The following LRRTM4 variants were observed in gnomAD, a reference collection of about 807,000 sequenced individuals.
The protein encoded by LRRTM4 is leucine rich repeat transmembrane neuronal 4.
A neutral mutation model predicts 47.6 loss-of-function variants in LRRTM4; 25 were observed. That is an observed-to-expected ratio of 0.53 (90% CI 0.38 to 0.73). The LOEUF (loss-of-function observed/expected upper bound fraction) is 0.73, where lower values mean the gene tolerates loss of function less well. Ranked by LOEUF, LRRTM4 falls within the 30% of genes least tolerant of loss-of-function variation. The probability of loss-of-function intolerance (pLI) is 0.00; values close to 1 mark genes in which losing one functional copy is unlikely to be tolerated. For missense variants in LRRTM4, 638 were observed against 713.4 expected, an observed-to-expected ratio of 0.89 and a Z score of 1.20; for synonymous variants, 311 against 269.5, an observed-to-expected ratio of 1.15 and a Z score of -1.51.
At chr2:76,945,859 A>G (rs1239989710) in intron 3 of LRRTM4, among the ~76,000 whole-genome samples, 2 of 151,990 alleles carry the variant, frequency 1.3e-5, no homozygotes, top group African/African-American at 2.4e-5. Context: ...CTTAAAATTC[A>G]TTCAAGTATG....
At chr2:77,330,904 G>C (rs1299531377) in intron 3 of LRRTM4, among the ~76,000 whole-genome samples, 2 of 152,072 alleles carry the variant, frequency 1.3e-5, no homozygotes, top group South Asian at 4.1e-4. Context: ...TATAGAAAAT[G>C]ATTAACTTGT....
intron 3 of LRRTM4, among the ~76,000 whole-genome samples, chr2:76,849,201 GAGAAA>G (rs1424812297): frequency 2.0e-5 from 3 of 152,222 alleles, no homozygotes; most frequent in Non-Finnish European, 2.9e-5. Flanking sequence ...GTGCAGAGAA[GAGAAA>G]AGAAAAGTAG....
intron 3 of LRRTM4, among the ~76,000 whole-genome samples, chr2:77,194,271 C>T (rs1673755262): frequency 1.3e-5 from 2 of 152,148 alleles, no homozygotes; most frequent in Non-Finnish European, 2.9e-5. Context: ...ACCTCTAGAA[C>T]ACACCTATCT....
chr2:76,997,038 T>C (rs954348102), intron 3 of LRRTM4, among the ~76,000 whole-genome samples: 9 of 152,054 alleles, frequency 5.9e-5, no homozygotes, highest in Non-Finnish European at 1.2e-4. Context: ...TGTTGTCAAG[T>C]GATTTTGAGT....
At chr2:77,271,260 T>C (rs930174424) in intron 3 of LRRTM4, among the ~76,000 whole-genome samples, 4 of 152,190 alleles carry the variant, frequency 2.6e-5, no homozygotes, top group African/African-American at 9.6e-5. Flanking sequence ...TTGTCCTCAC[T>C]GGCAGAGGGC....
At chr2:77,499,874 T>A (rs1678506356) in intron 3 of LRRTM4, among the ~76,000 whole-genome samples, 1 of 151,818 alleles carries the variant, frequency 6.6e-6, no homozygotes, top group South Asian at 2.1e-4. Flanking sequence ...ATGGTCAAAT[T>A]TAAACAGAGC....
intron 3 of LRRTM4, among the ~76,000 whole-genome samples, chr2:77,111,283 A>ATTTTTTTT (rs71381260): frequency 3.5e-5 from 4 of 113,164 alleles, no homozygotes; most frequent in Non-Finnish European, 7.0e-5. Flanking sequence ...ACACCTGGCT[A>ATTTTTTTT]TTTTTTTTTT....
chr2:77,390,403 C>T (rs1170228622), intron 3 of LRRTM4, among the ~76,000 whole-genome samples: 1 of 151,978 alleles, frequency 6.6e-6, no homozygotes, highest in East Asian at 1.9e-4. Flanking sequence ...TTTGTTTTAT[C>T]TTATTGTATT....
At chr2:77,263,758 T>A (rs1675979025) in intron 3 of LRRTM4, among the ~76,000 whole-genome samples, 1 of 152,120 alleles carries the variant, frequency 6.6e-6, no homozygotes, top group African/African-American at 2.4e-5. Flanking sequence ...ATTAAGCTTC[T>A]TTTACTGTAA....
intron 3 of LRRTM4, among the ~76,000 whole-genome samples, chr2:77,351,964 A>G (rs148130926): frequency 1.1e-4 from 16 of 152,188 alleles, no homozygotes; most frequent in African/African-American, 3.6e-4. Flanking sequence ...CATTTTGTAC[A>G]ACTTTATTAA....
chr2:76,905,965 G>T (rs1411943090), intron 3 of LRRTM4, among the ~76,000 whole-genome samples: 1 of 152,030 alleles, frequency 6.6e-6, no homozygotes, highest in Non-Finnish European at 1.5e-5. Flanking sequence ...AGCAAGGCAG[G>T]CCAACATTCA....
At chr2:77,190,514 G>A (rs911989392) in intron 3 of LRRTM4, among the ~76,000 whole-genome samples, 5 of 151,896 alleles carry the variant, frequency 3.3e-5, no homozygotes, top group African/African-American at 1.2e-4. Context: ...TGGCCAGGCT[G>A]GTCTCGAACT....
At chr2:77,041,779 A>G (rs1020567854) in intron 3 of LRRTM4, among the ~76,000 whole-genome samples, 2 of 150,170 alleles carry the variant, frequency 1.3e-5, no homozygotes, top group Admixed American at 6.6e-5. Flanking sequence ...TGAGTTTTTA[A>G]TATTAGGTCG....
At chr2:77,472,243 G>C (rs1195504876) in intron 3 of LRRTM4, among the ~76,000 whole-genome samples, 1 of 152,162 alleles carries the variant, frequency 6.6e-6, no homozygotes, top group African/African-American at 2.4e-5. Context: ...AAATATGTGT[G>C]TTAGGTGATC....
At chr2:77,419,380 A>G in intron 3 of LRRTM4, among the ~76,000 whole-genome samples, 1 of 152,342 alleles carries the variant, frequency 6.6e-6, no homozygotes, top group East Asian at 1.9e-4. Context: ...CACAGATACT[A>G]AAATCCATGG....
intron 3 of LRRTM4, among the ~76,000 whole-genome samples, chr2:77,220,291 C>T (rs1416786325): frequency 6.6e-6 from 1 of 152,176 alleles, no homozygotes; most frequent in East Asian, 1.9e-4. Context: ...CTCTAAAAAT[C>T]AGAGCACCTC....
At chr2:76,839,651 C>T (rs574968173) in intron 3 of LRRTM4, among the ~76,000 whole-genome samples, 64 of 152,070 alleles carry the variant, frequency 4.2e-4, no homozygotes, top group African/African-American at 1.3e-3. Context: ...ATTATTCAAA[C>T]ATAGCTTTTC....
intron 3 of LRRTM4, among the ~76,000 whole-genome samples, chr2:77,446,467 A>G (rs1676056245): frequency 6.6e-6 from 1 of 152,110 alleles, no homozygotes; most frequent in South Asian, 2.1e-4. Context: ...ATCTTCAACA[A>G]CAAGATATAG....
At chr2:77,065,702 A>C (rs945900742) in intron 3 of LRRTM4, among the ~76,000 whole-genome samples, 1 of 152,166 alleles carries the variant, frequency 6.6e-6, no homozygotes, top group Non-Finnish European at 1.5e-5. Flanking sequence ...CATTTTGCTA[A>C]AGCTCAGTGA....
Sources: allele counts gnomAD v4.1 joint callset (sites outside exome capture counted in the v4.1 genomes callset), GRCh38; gene constraint gnomAD v4.1.1; transcripts MANE v1.5; gene names NCBI Gene and HGNC (gene_info 2026-07-23, HGNC 2026-07-21).